The following MALRD1 variants were observed in gnomAD, a reference collection of about 807,000 sequenced individuals.
The protein encoded by MALRD1 is MAM and LDL-receptor class A domain-containing protein 1.
A neutral mutation model predicts 242.1 loss-of-function variants in MALRD1; 247 were observed. That is an observed-to-expected ratio of 1.02 (90% CI 0.92 to 1.13). The LOEUF is 1.13. Ranked by LOEUF, MALRD1 falls within the 50% of genes most tolerant of loss-of-function variation. MALRD1 has a pLI of 0.00. For missense variants in MALRD1, 2,989 were observed against 2,533.1 expected, an observed-to-expected ratio of 1.18 and a Z score of -3.86; for synonymous variants, 995 against 866.6, an observed-to-expected ratio of 1.15 and a Z score of -2.60.
intron 5 of MALRD1, 51 bp from the exon 6 acceptor site, chr10:19,123,441 C>A: frequency 1.9e-6 from 2 of 1,062,026 alleles, no homozygotes; most frequent in Non-Finnish European, 2.4e-6. Context: ...ATACTTGAGT[C>A]TTTCCAGTTG....
chr10:19,351,141 A>G (rs1844358668), intron 25 of MALRD1, among the ~76,000 whole-genome samples: 1 of 152,190 alleles, frequency 6.6e-6, no homozygotes, highest in African/African-American at 2.4e-5. Context: ...AGAGTATGAT[A>G]TATGTGACTG....
chr10:19,542,578 A>G (rs1035186249), intron 32 of MALRD1, among the ~76,000 whole-genome samples: 4 of 152,056 alleles, frequency 2.6e-5, no homozygotes, highest in African/African-American at 7.2e-5. Context: ...TATCATTGAT[A>G]TAATTCTTTG....
chr10:19,471,134 C>T (rs956499968), intron 29 of MALRD1, among the ~76,000 whole-genome samples: 9 of 151,804 alleles, frequency 5.9e-5, no homozygotes, highest in African/African-American at 4.8e-5. Context: ...TGTTCAGTTG[C>T]ATTCTTGTGC....
chr10:19,057,328 G>A (rs965932115), intron 1 of MALRD1, among the ~76,000 whole-genome samples: 9 of 152,046 alleles, frequency 5.9e-5, no homozygotes, highest in African/African-American at 2.2e-4. Flanking sequence ...AGTGTCTGGT[G>A]CCCTCTGCTT....
At chr10:19,253,558 A>G (rs1428381251) in intron 18 of MALRD1, among the ~76,000 whole-genome samples, 1 of 151,964 alleles carries the variant, frequency 6.6e-6, no homozygotes, top group African/African-American at 2.4e-5. Flanking sequence ...CACTGGAAAC[A>G]AAGTGTTGGC....
chr10:19,589,442 C>T (rs1221000718), intron 33 of MALRD1, among the ~76,000 whole-genome samples: 3 of 152,124 alleles, frequency 2.0e-5, no homozygotes, highest in Admixed American at 6.5e-5. Flanking sequence ...AAATCAGTTG[C>T]AAACAATGGC....
At chr10:19,238,603 G>T (rs1289615200) in intron 18 of MALRD1, among the ~76,000 whole-genome samples, 1 of 70,306 alleles carries the variant, frequency 1.4e-5, no homozygotes, top group African/African-American at 4.7e-5. Flanking sequence ...TAATTCACTT[G>T]TTTGTTTTTA....
intron 18 of MALRD1, among the ~76,000 whole-genome samples, chr10:19,215,910 T>C (rs1837292875): frequency 6.6e-6 from 1 of 151,582 alleles, no homozygotes; most frequent in South Asian, 2.1e-4. Flanking sequence ...GCATAGTTTT[T>C]TTTCATAATA....
At chr10:19,489,122 C>G in intron 29 of MALRD1, 1 of 465,302 alleles carries the variant, frequency 2.1e-6, no homozygotes. Flanking sequence ...GTCAGCTCTG[C>G]TGAAGGGGCC....
chr10:19,366,202 C>T (rs2130725629), intron 26 of MALRD1, among the ~76,000 whole-genome samples: 1 of 151,588 alleles, frequency 6.6e-6, no homozygotes, highest in South Asian at 2.1e-4. Context: ...AATGGGAGCC[C>T]TGAGTTTATT....
chr10:19,507,849 A>G (rs11010202), intron 31 of MALRD1, among the ~76,000 whole-genome samples: 7,125 of 152,302 alleles, frequency 0.047, 239 homozygotes, highest in Middle Eastern at 0.085. Flanking sequence ...AAAGTAAAAT[A>G]ATGTACATTG....
intron 38 of MALRD1, among the ~76,000 whole-genome samples, chr10:19,729,721 C>CTTTTTTTTTTTTTTT (rs35279728): frequency 4.9e-5 from 2 of 40,696 alleles, no homozygotes; most frequent in Non-Finnish European, 8.3e-5. Context: ...TCTATTAATT[C>CTTTTTTTTTTTTTTT]TTTTTTTTTT....
intron 18 of MALRD1, among the ~76,000 whole-genome samples, chr10:19,239,972 G>A (rs563836901): frequency 1.1e-3 from 170 of 152,200 alleles, no homozygotes; most frequent in African/African-American, 3.7e-3. Context: ...GATTGCTTTG[G>A]TTATTTGGGG....
intron 32 of MALRD1, among the ~76,000 whole-genome samples, chr10:19,560,056 C>A (rs944675627): frequency 6.6e-6 from 1 of 152,188 alleles, no homozygotes; most frequent in Non-Finnish European, 1.5e-5. Flanking sequence ...TAAATTAGTT[C>A]AACCATTGTG....
intron 28 of MALRD1, among the ~76,000 whole-genome samples, chr10:19,410,679 C>CTTTTTTTTTTTT (rs58147034): frequency 3.0e-5 from 4 of 132,912 alleles, no homozygotes; most frequent in Non-Finnish European, 3.1e-5. Flanking sequence ...TCCTTCCTTC[C>CTTTTTTTTTTTT]TTTTTTTTTT....
intron 36 of MALRD1, among the ~76,000 whole-genome samples, chr10:19,636,043 G>T (rs1241411629): frequency 3.9e-5 from 6 of 151,946 alleles, no homozygotes; most frequent in Admixed American, 3.9e-4. Flanking sequence ...TGGGATTACA[G>T]ACACGCACCA....
chr10:19,720,202 G>A (rs1001337107), intron 38 of MALRD1, among the ~76,000 whole-genome samples: 11 of 152,146 alleles, frequency 7.2e-5, no homozygotes, highest in African/African-American at 2.4e-4. Context: ...ATTCTCTAAG[G>A]CGTTGTTGTG....
At chr10:19,336,118 A>C (rs189991129) in intron 24 of MALRD1, among the ~76,000 whole-genome samples, 2 of 152,196 alleles carry the variant, frequency 1.3e-5, no homozygotes, top group African/African-American at 4.8e-5. Flanking sequence ...TCTGAAAGCA[A>C]GAATCTATAA....
chr10:19,313,134 C>T (rs955965703), intron 21 of MALRD1, among the ~76,000 whole-genome samples: 1 of 151,410 alleles, frequency 6.6e-6, no homozygotes, highest in African/African-American at 2.4e-5. Context: ...GGTTTACAGT[C>T]TATAACATTT....
Sources: gnomAD v4.1 joint callset for allele counts (sites outside exome capture counted in the v4.1 genomes callset) on GRCh38, gnomAD v4.1.1 for gene constraint, MANE v1.5 for transcripts, NCBI Gene and HGNC (gene_info 2026-07-23, HGNC 2026-07-21) for gene names.